The following SYT9 variants were observed in gnomAD, a reference collection of about 807,000 sequenced individuals.
The protein encoded by SYT9 is synaptotagmin 9, also known as synaptotagmin-9.
A neutral mutation model predicts 48.4 loss-of-function variants in SYT9; 22 were observed. The observed-to-expected ratio is 0.45, with a 90% CI of 0.32 to 0.65. The LOEUF is 0.65. Ranked by LOEUF, SYT9 falls within the 30% of genes least tolerant of loss-of-function variation. The pLI, the probability that SYT9 is intolerant of heterozygous loss-of-function variation, is 0.03. For missense variants in SYT9, 577 were observed against 622.0 expected (o/e 0.93, Z 0.77); for synonymous variants, 265 against 245.0 (o/e 1.08, Z -0.76).
chr11:7,344,929 TACACACACACAC>T (rs60652691), intron 3 of SYT9, among the ~76,000 whole-genome samples: 18 of 148,910 alleles, frequency 1.2e-4, no homozygotes, highest in African/African-American at 1.7e-4. Flanking sequence ...CTCATTATTT[TACACACACACAC>T]ACACACACAC....
intron 6 of SYT9, among the ~76,000 whole-genome samples, chr11:7,447,580 C>T (rs1847957868): frequency 6.6e-6 from 1 of 152,206 alleles, no homozygotes; most frequent in Non-Finnish European, 1.5e-5. Flanking sequence ...GTGATAGCTC[C>T]CACAATCCTA....
At chr11:7,321,821 A>G (rs1234971639) in intron 3 of SYT9, among the ~76,000 whole-genome samples, 1 of 152,192 alleles carries the variant, frequency 6.6e-6, no homozygotes, top group Non-Finnish European at 1.5e-5. Flanking sequence ...AAGGGTCAGT[A>G]ACTTCTGAGT....
In SYT9 at chr11:7,252,114, GCTCTGA is replaced by G; in HGVS notation, c.-72_-67del. 7.5e-7 allele frequency: 1 copy of G among 1,329,880 alleles called. No individual in the cohort carries two copies. The highest frequency in any genetic ancestry group is 9.6e-7 in the Non-Finnish European group (1 of 1,042,992). The allele number at this position is 1,329,880 out of a possible 1,614,324, so 82.4% of individuals were successfully genotyped here. A position where few individuals can be genotyped will look rare whatever the true frequency, so the allele number is the denominator to read the frequency against. ...GAGCGCGGACGGCCCGGAGGCGGCG[GCTCTGA>G]GCTGGCAGGCGGAGGGCTGTCTCCT... On this transcript the variant is annotated 5_prime_UTR_variant, in exon 1 of 7. Coordinates refer to ENST00000318881, the MANE Select transcript of SYT9 (RefSeq NM_175733.4). This position sits in a 1 kb window ranked among gnomAD's most constrained non-coding sequence, Gnocchi z 6.3.
intron 3 of SYT9, among the ~76,000 whole-genome samples, chr11:7,317,825 T>A (rs1262290041): frequency 2.6e-5 from 4 of 152,196 alleles, no homozygotes; most frequent in African/African-American, 9.6e-5. Flanking sequence ...TGTTTAACTA[T>A]CTCTATGAAT....
intron 6 of SYT9, among the ~76,000 whole-genome samples, chr11:7,446,028 CT>C (rs948936914): frequency 6.6e-6 from 1 of 152,264 alleles, no homozygotes; most frequent in African/African-American, 2.4e-5. Context: ...GGCTTTTGCC[CT>C]GGCATAAGCC....
intron 3 of SYT9, among the ~76,000 whole-genome samples, chr11:7,320,717 G>T (rs1849321932): frequency 6.6e-6 from 1 of 152,080 alleles, no homozygotes; most frequent in South Asian, 2.1e-4. Context: ...ATAAATGTTG[G>T]CACTCAAATA....
chr11:7,248,168 G>T (rs1847817811), upstream of SYT9, among the ~76,000 whole-genome samples: 1 of 151,942 alleles, frequency 6.6e-6, no homozygotes, highest in Admixed American at 6.6e-5. Context: ...TTTTTGATGG[G>T]ATTGTTTGTT....
chr11:7,273,132 C>G (rs1298523746), intron 1 of SYT9, among the ~76,000 whole-genome samples: 2 of 151,968 alleles, frequency 1.3e-5, no homozygotes, highest in African/African-American at 2.4e-5. Context: ...ATTTAGGCAG[C>G]TGGGTCATAT....
Position 7,271,279 on chromosome 11 carries a change from A to G in SYT9, c.145+18948A>G, listed in dbSNP as rs1589901967. Among the ~76,000 whole-genome samples the G allele has an allele frequency of 3.9e-5, 6 of 152,254 alleles. No homozygotes were observed. The South Asian group carries it at 1.2e-3, about 32-fold the overall frequency. On this transcript the variant is annotated intron_variant, in intron 1 of 6. Transcript: ENST00000318881. Reference sequence around the variant, plus strand: ...GCCTAACCTGAGGACCATATCTGCTACAAACTCTGCACTCCCAGAAGTTAA... The same window carrying G: ...GCCTAACCTGAGGACCATATCTGCTGCAAACTCTGCACTCCCAGAAGTTAA...
chr11:7,304,379 T>C (rs1238137768), intron 2 of SYT9, among the ~76,000 whole-genome samples: 2 of 152,212 alleles, frequency 1.3e-5, no homozygotes, highest in African/African-American at 4.8e-5. Context: ...GAAAAGAGAC[T>C]CAGGAAGCAG....
chr11:7,265,409 T>A (rs16924093), intron 1 of SYT9, among the ~76,000 whole-genome samples: 2,310 of 152,216 alleles, frequency 0.015, 58 homozygotes, highest in African/African-American at 0.053. Flanking sequence ...CAGGTATGCA[T>A]CAAAATCAGT....
intron 3 of SYT9, among the ~76,000 whole-genome samples, chr11:7,328,216 T>A (rs1849470229): frequency 6.6e-6 from 1 of 151,986 alleles, no homozygotes; most frequent in Non-Finnish European, 1.5e-5. Context: ...ATAGCTGGAT[T>A]TTTTTTAAAT....
intron 3 of SYT9, among the ~76,000 whole-genome samples, chr11:7,363,499 C>T (rs144177125): frequency 9.9e-5 from 15 of 152,224 alleles, no homozygotes; most frequent in African/African-American, 3.4e-4. Flanking sequence ...AGGAGTGACG[C>T]TGGTATAGGC....
At chr11:7,262,744 G>C (rs1215854921) in intron 1 of SYT9, among the ~76,000 whole-genome samples, 5 of 152,084 alleles carry the variant, frequency 3.3e-5, no homozygotes, top group Non-Finnish European at 5.9e-5. Context: ...AAGTAATGTT[G>C]ACAAGCATTT....
intron 1 of SYT9, among the ~76,000 whole-genome samples, chr11:7,294,425 A>G (rs896437226): frequency 6.6e-6 from 1 of 152,230 alleles, no homozygotes; most frequent in South Asian, 2.1e-4. Context: ...TTAAATATGG[A>G]TGAGACTTAA....
chr11:7,292,920 C>T (rs75627471), intron 1 of SYT9, among the ~76,000 whole-genome samples: 1,936 of 152,280 alleles, frequency 0.013, 19 homozygotes, highest in Middle Eastern at 0.037. Context: ...ATAATGATTC[C>T]TGAACCTTCC....
exon 1 of SYT9, chr11:7,238,816 G>A (rs954174174): frequency 6.6e-6 from 3 of 455,596 alleles, no homozygotes; most frequent in Non-Finnish European, 1.3e-5. Context: ...TCCTGCCTGA[G>A]ACTTCAATTT....
chr11:7,362,697 C>G (rs1223914912), intron 3 of SYT9, among the ~76,000 whole-genome samples: 1 of 151,576 alleles, frequency 6.6e-6, no homozygotes, highest in East Asian at 1.9e-4. Flanking sequence ...TTGGTTAGTA[C>G]TTATCGCATA....
At chr11:7,358,863 A>G (rs1433925044) in intron 3 of SYT9, among the ~76,000 whole-genome samples, 1 of 150,934 alleles carries the variant, frequency 6.6e-6, no homozygotes, top group Non-Finnish European at 1.5e-5. Flanking sequence ...ATTTTTTTTT[A>G]TTATACTTTG....
Sources: gnomAD v4.1 joint callset for allele counts (sites outside exome capture counted in the v4.1 genomes callset) on GRCh38, gnomAD v4.1.1 for gene constraint, Gnocchi (gnomAD v3.1) non-coding constraint, MANE v1.5 for transcripts, NCBI Gene and HGNC (gene_info 2026-07-23, HGNC 2026-07-21) for gene names.